SBF2: variants seen among roughly 807,000 people sequenced by gnomAD.
The protein encoded by SBF2 is myotubularin-related protein 13.
A neutral mutation model predicts 225.2 loss-of-function variants in SBF2; 112 were observed. That is an observed-to-expected ratio of 0.50 (90% confidence interval 0.43 to 0.58). The LOEUF is 0.58. SBF2 is among the 20% of genes least tolerant of loss of function. The pLI, the probability that SBF2 is intolerant of heterozygous loss-of-function variation, is 0.00. For missense variants in SBF2, 1,996 were observed against 2,206.2 expected (o/e 0.90, Z 1.91); for synonymous variants, 763 against 773.3 (o/e 0.99, Z 0.22).
chr11:9,818,049 G>A (rs138127976), intron 28 of SBF2, among the ~76,000 whole-genome samples: 87 of 152,240 alleles, frequency 5.7e-4, no homozygotes, highest in East Asian at 4.6e-3. Context: ...GGGTTCAAGC[G>A]ATTCTCCTGC....
At chr11:10,101,186 C>T (rs969280858) in intron 2 of SBF2, among the ~76,000 whole-genome samples, 3 of 152,020 alleles carry the variant, frequency 2.0e-5, no homozygotes, top group African/African-American at 4.8e-5. Context: ...AGGCCTGACT[C>T]GGGGAGACTA....
intron 2 of SBF2, among the ~76,000 whole-genome samples, chr11:10,173,511 C>G (rs559478132): frequency 3.3e-5 from 5 of 152,332 alleles, no homozygotes; most frequent in Admixed American, 1.3e-4. Flanking sequence ...GAGGGTCCTA[C>G]GCCCACGGAG....
chr11:10,026,986 ATATT>A (rs1303526338), intron 6 of SBF2, among the ~76,000 whole-genome samples: 1 of 152,198 alleles, frequency 6.6e-6, no homozygotes, highest in Non-Finnish European at 1.5e-5. Flanking sequence ...CAAAAACTAT[ATATT>A]TACAGTGTAC....
At chr11:9,940,929 C>T (rs1403808020) in intron 16 of SBF2, among the ~76,000 whole-genome samples, 7 of 151,934 alleles carry the variant, frequency 4.6e-5, no homozygotes, top group African/African-American at 1.7e-4. Context: ...AGAAAAAAGC[C>T]ACTAATCAGT....
At chr11:10,296,882 A>G (rs562388659), upstream of SBF2, among the ~76,000 whole-genome samples, 1 of 152,094 alleles carries the variant, frequency 6.6e-6, no homozygotes. Context: ...CCTGTTGTTT[A>G]TGTTTTGTTA....
At chr11:9,994,984 C>T (rs1294864651) in intron 9 of SBF2, among the ~76,000 whole-genome samples, 2 of 151,082 alleles carry the variant, frequency 1.3e-5, no homozygotes, top group African/African-American at 4.9e-5. Context: ...TTGCAGTGAG[C>T]TGAGATCGCA....
At chr11:9,965,203 C>T (rs1866822203) in intron 14 of SBF2, among the ~76,000 whole-genome samples, 2 of 152,300 alleles carry the variant, frequency 1.3e-5, no homozygotes, top group African/African-American at 4.8e-5. Flanking sequence ...TCACCTTCTC[C>T]CATACCTAAG....
chr11:9,886,232 G>T (rs1402803362), intron 17 of SBF2, among the ~76,000 whole-genome samples: 1 of 152,154 alleles, frequency 6.6e-6, no homozygotes, highest in South Asian at 2.1e-4. Flanking sequence ...GCTCAAATTA[G>T]CAACTTTCTT....
At chr11:10,128,574 CTAGA>C (rs1482558853) in intron 2 of SBF2, among the ~76,000 whole-genome samples, 1 of 152,094 alleles carries the variant, frequency 6.6e-6, no homozygotes. Context: ...AGAACATATG[CTAGA>C]TAAAGAAAAA....
intron 2 of SBF2, among the ~76,000 whole-genome samples, chr11:10,137,033 A>G (rs1954396096): frequency 6.6e-6 from 1 of 152,224 alleles, no homozygotes; most frequent in Non-Finnish European, 1.5e-5. Context: ...TGAGTCTTCC[A>G]ATCTATGTAC....
intron 16 of SBF2, among the ~76,000 whole-genome samples, chr11:9,953,200 C>T (rs1203623054): frequency 2.0e-5 from 3 of 152,180 alleles, no homozygotes; most frequent in Non-Finnish European, 4.4e-5. Context: ...AATCCCAGCA[C>T]TTTGGGAGGC....
intron 3 of SBF2, among the ~76,000 whole-genome samples, chr11:10,035,347 A>T (rs1214567407): frequency 6.6e-6 from 1 of 152,152 alleles, no homozygotes; most frequent in Non-Finnish European, 1.5e-5. Flanking sequence ...TCAAGACATA[A>T]GCATGGGCAA....
At chr11:10,040,314 G>A (rs891456558) in intron 3 of SBF2, among the ~76,000 whole-genome samples, 5 of 151,960 alleles carry the variant, frequency 3.3e-5, no homozygotes, top group Admixed American at 3.3e-4. Flanking sequence ...TGTACTCTTA[G>A]AAGGATGCCC....
At chr11:10,183,331 G>A (rs915198740) in intron 2 of SBF2, among the ~76,000 whole-genome samples, 5 of 152,100 alleles carry the variant, frequency 3.3e-5, no homozygotes, top group African/African-American at 1.2e-4. Flanking sequence ...AGCATCCAAA[G>A]ATTCTGTAGA....
chr11:9,817,518 T>C (rs1854515185), intron 28 of SBF2, among the ~76,000 whole-genome samples: 1 of 152,192 alleles, frequency 6.6e-6, no homozygotes, highest in South Asian at 2.1e-4. Context: ...AATCTGAAGC[T>C]GGATTTGGAA....
At chr11:10,227,797 G>A (rs981947539) in intron 1 of SBF2, among the ~76,000 whole-genome samples, 27 of 151,964 alleles carry the variant, frequency 1.8e-4, no homozygotes, top group Admixed American at 3.9e-4. Flanking sequence ...TTGACTTGGC[G>A]ATGCAGGCTC....
chr11:10,096,242 G>A (rs1952015769), intron 2 of SBF2, among the ~76,000 whole-genome samples: 1 of 151,958 alleles, frequency 6.6e-6, no homozygotes, highest in African/African-American at 2.4e-5. Flanking sequence ...CAAGTTTTAG[G>A]TATAGTTTAC....
At chr11:9,976,553 T>C (rs1200428250) in intron 13 of SBF2, among the ~76,000 whole-genome samples, 1 of 152,070 alleles carries the variant, frequency 6.6e-6, no homozygotes, top group Non-Finnish European at 1.5e-5. Flanking sequence ...ATTATGTTTA[T>C]GCCCGTGAAT....
rs190409329 is a variant in SBF2, at chr11:10,115,998, C to G, written c.142-73017G>C. Among the ~76,000 whole-genome samples the G allele has an allele frequency of 1.8e-3, 267 of 152,136 alleles. 2 individuals carry two copies. The highest frequency in any genetic ancestry group is 3.0e-3 in the Non-Finnish European group (204 of 67,974). ...TGGCTAACACGGTGAAACCCCATCT[C>G]TACTAAAAAAATACAAAAAAATTAG... On this transcript the variant is annotated intron_variant, in intron 2 of 39. Transcript: ENST00000256190.
Sources: allele counts gnomAD v4.1 joint callset (sites outside exome capture counted in the v4.1 genomes callset), GRCh38; gene constraint gnomAD v4.1.1; transcripts MANE v1.5; gene names NCBI Gene and HGNC (gene_info 2026-07-23, HGNC 2026-07-21).